The following GTPBP1 variants were observed in gnomAD, a reference collection of about 807,000 sequenced individuals.
GTPBP1 encodes GTP binding protein 1, also known as GTP-binding protein 1.
GTPBP1 carries 23 observed loss-of-function variants against 62.0 expected under a neutral mutation model. That is an observed-to-expected ratio of 0.37 (90% CI 0.27 to 0.53). The LOEUF (loss-of-function observed/expected upper bound fraction) is 0.53. Ranked by LOEUF, GTPBP1 falls within the 20% of genes least tolerant of loss-of-function variation. The pLI, the probability that GTPBP1 is intolerant of heterozygous loss-of-function variation, is 0.89. For synonymous variants in GTPBP1, 344 were observed against 364.4 expected (o/e 0.94, Z 0.64); for missense variants, 640 against 917.3 (o/e 0.70, Z 3.90).
chr22:38,708,466 G>A (rs981981932), intron 1 of GTPBP1, among the ~76,000 whole-genome samples: 10 of 152,166 alleles, frequency 6.6e-5, no homozygotes, highest in Admixed American at 2.6e-4. Flanking sequence ...TGTCTTGTGG[G>A]CTTCCAGATG....
At position 38,733,410 on chromosome 22, in the gene GTPBP1, G is replaced by A. The variant is rs1042269278; in HGVS notation, c.*2706G>A. ...TGGCCGCACCCAGGAGGGTGGGGTT[G>A]GATCTGTGTAGTTGCCAGGCCCACA... On this transcript the variant is annotated 3_prime_UTR_variant, in exon 12 of 12. Coordinates refer to ENST00000216044, the MANE Select transcript of GTPBP1 (RefSeq NM_004286.5). The A allele has an allele frequency of 6.6e-6, 1 of 152,344 alleles. No homozygotes were observed. Among genetic ancestry groups the A allele is most frequent in the African/African-American group, 2.4e-5 (1 of 41,476 alleles). The allele number at this position is 152,344 out of a possible 1,614,324, so 9.4% of individuals were successfully genotyped here.
chr22:38,735,631 T>A (rs1282162862), downstream of GTPBP1: 6 of 178,370 alleles, frequency 3.4e-5, no homozygotes, highest in Non-Finnish European at 7.3e-5. Context: ...GCCAGTCCCC[T>A]TTAGGGCACA....
intron 4 of GTPBP1, among the ~76,000 whole-genome samples, chr22:38,721,223 G>A (rs1236979655): frequency 6.6e-6 from 1 of 152,200 alleles, no homozygotes; most frequent in African/African-American, 2.4e-5. Context: ...GGGATTACAG[G>A]CATGTGCCAC....
intron 2 of GTPBP1, among the ~76,000 whole-genome samples, chr22:38,712,132 C>T (rs529268340): frequency 6.6e-6 from 1 of 152,214 alleles, no homozygotes; most frequent in African/African-American, 2.4e-5. Context: ...CCCCCTGAGC[C>T]TCAAAGTGCT....
At chr22:38,721,200 C>T (rs1160236869) in intron 4 of GTPBP1, among the ~76,000 whole-genome samples, 3 of 152,228 alleles carry the variant, frequency 2.0e-5, no homozygotes, top group Non-Finnish European at 2.9e-5. Context: ...CTGCCTCAGC[C>T]TCCTGAGTAG....
At chr22:38,738,929 T>C (rs1569295140), downstream of GTPBP1, 4 of 1,613,394 alleles carry the variant, frequency 2.5e-6, no homozygotes, top group Non-Finnish European at 2.5e-6. This position sits in a 1 kb window ranked among gnomAD's most constrained non-coding sequence, Gnocchi z 6.6. Context: ...CCGAAGAGGC[T>C]GAGGAGGGCC....
chr22:38,714,917 CTGTT>C (rs1186562124), intron 2 of GTPBP1, among the ~76,000 whole-genome samples: 7 of 152,162 alleles, frequency 4.6e-5, no homozygotes, highest in South Asian at 4.1e-4. Flanking sequence ...AGCTCAGTAA[CTGTT>C]TGGTCGGTTG....
At chr22:38,736,605 C>T (rs371147099), downstream of GTPBP1, 5 of 386,674 alleles carry the variant, frequency 1.3e-5, no homozygotes, top group Admixed American at 8.6e-5. Flanking sequence ...CATCTGAAAC[C>T]GGAATGAATT....
Position 38,727,110 on chromosome 22 carries a change from T to C in GTPBP1, c.1402-103T>C. On this transcript the variant is annotated intron_variant, in intron 8 of 11. Transcript: ENST00000216044. This position sits in a 1 kb window ranked among gnomAD's most constrained non-coding sequence, Gnocchi z 6.5. ...AGTTGGTGAGGAAACCAGGCAGAGT[T>C]GGGGTGGTCCCTATCCCTAGAAAGA... 8.7e-7 allele frequency: 1 copy of C among 1,148,282 alleles called. No homozygotes were observed. The highest frequency in any genetic ancestry group is 1.2e-6 in the Non-Finnish European group (1 of 828,998). The allele number at this position is 1,148,282 out of a possible 1,614,324, so 71.1% of individuals were successfully genotyped here. A position where few individuals can be genotyped will look rare whatever the true frequency, so the allele number is the denominator to read the frequency against.
At chr22:38,740,469 T>C, downstream of GTPBP1, 1 of 1,434,700 alleles carries the variant, frequency 7.0e-7, no homozygotes, top group Non-Finnish European at 9.2e-7. The surrounding 1 kb of genome is among the most constrained non-coding windows in gnomAD (Gnocchi z 4.8). Flanking sequence ...CTCGGATCTC[T>C]TTGGTGGGAG....
intron 10 of GTPBP1, 54 bp downstream of exon 10, chr22:38,728,215 G>A: frequency 7.8e-7 from 1 of 1,280,992 alleles, no homozygotes; most frequent in East Asian, 2.4e-5. Context: ...GGCCACTCCT[G>A]TTCTGTGACC....
chr22:38,714,188 C>T (rs781314974), intron 2 of GTPBP1, among the ~76,000 whole-genome samples: 1 of 152,298 alleles, frequency 6.6e-6, no homozygotes, highest in Non-Finnish European at 1.5e-5. Context: ...TAGAAGGCCA[C>T]TGGTGGGCCA....
In GTPBP1 at chr22:38,726,169, G is replaced by A; in HGVS notation, c.1218+19G>A. ...CGTCCCGGTAAGTGGCTCTGGGCGGGTAGCTGGGTGGGCACTTCCTACAGT... is the reference window on the plus strand; with the variant it reads ...CGTCCCGGTAAGTGGCTCTGGGCGGATAGCTGGGTGGGCACTTCCTACAGT... On this transcript the variant is annotated intron_variant, in intron 7 of 11. Transcript: ENST00000216044. The surrounding 1 kb of genome is among the most constrained non-coding windows in gnomAD (Gnocchi z 4.1). The A allele has an allele frequency of 6.2e-7, 1 of 1,609,576 alleles. No homozygotes were observed. Among genetic ancestry groups the A allele is most frequent in the Non-Finnish European group, 8.5e-7 (1 of 1,176,252 alleles).
At chr22:38,719,805 T>G (rs2092689945) in intron 4 of GTPBP1, among the ~76,000 whole-genome samples, 1 of 152,090 alleles carries the variant, frequency 6.6e-6, no homozygotes, top group Admixed American at 6.5e-5. Context: ...AGTTACCTAA[T>G]ATCCTCAAAT....
At chr22:38,708,702 A>G (rs2092620607) in intron 1 of GTPBP1, 143 bp from the exon 2 acceptor site, 6 of 605,264 alleles carry the variant, frequency 9.9e-6, no homozygotes, top group Admixed American at 5.5e-5. Context: ...AGAAGCAGAG[A>G]GGGCATGAAG....
intron 2 of GTPBP1, among the ~76,000 whole-genome samples, chr22:38,714,169 TAG>T (rs1268276895): frequency 6.6e-6 from 1 of 151,998 alleles, no homozygotes; most frequent in East Asian, 1.9e-4. Flanking sequence ...AAGAGGGCAT[TAG>T]AGAGTTTAGA....
downstream of GTPBP1, chr22:38,739,634 G>T: frequency 1.3e-6 from 2 of 1,490,176 alleles, no homozygotes; most frequent in Non-Finnish European, 1.8e-6. This position sits in a 1 kb window ranked among gnomAD's most constrained non-coding sequence, Gnocchi z 6.7. Flanking sequence ...CCTGGAACCT[G>T]CCAGGGAGCT....
chr22:38,715,814 T>C lies in GTPBP1; in HGVS notation c.305-93T>C, dbSNP rs143953085. The C allele has an allele frequency of 5.9e-5, 58 of 988,928 alleles. No homozygotes were observed. The African/African-American group carries it at 7.6e-4, about 13-fold the overall frequency. 61.3% of individuals were successfully genotyped at this position (988,928 alleles called of 1,614,324 possible). On this transcript the variant is annotated intron_variant, in intron 2 of 11. Transcript: ENST00000216044. ...CTGCAGTGCTGGGGTCGGGGGGTGG[T>C]GGCCTTTGTTAGGTGGGGTTCCTGG...
downstream of GTPBP1, chr22:38,738,339 C>G: frequency 6.0e-6 from 8 of 1,339,116 alleles, no homozygotes; most frequent in Non-Finnish European, 8.4e-6. This position sits in a 1 kb window ranked among gnomAD's most constrained non-coding sequence, Gnocchi z 6.6. Context: ...AATCCCTGCT[C>G]CTCCCACCCA....
Sources: allele counts gnomAD v4.1 joint callset (sites outside exome capture counted in the v4.1 genomes callset), GRCh38; gene constraint gnomAD v4.1.1; non-coding constraint Gnocchi (gnomAD v3.1); transcripts MANE v1.5; gene names NCBI Gene and HGNC (gene_info 2026-07-23, HGNC 2026-07-21).